MAP4K1: variants seen among roughly 807,000 people sequenced by gnomAD.
MAP4K1 encodes mitogen-activated protein kinase kinase kinase kinase 1, also known as MAPK/ERK kinase kinase kinase 1.
MAP4K1 carries 35 observed loss-of-function variants against 122.8 expected under a neutral mutation model. The ratio of observed to expected loss-of-function variants is 0.29; its 90% CI spans 0.22 to 0.38. The LOEUF is 0.38. Ranked by LOEUF, MAP4K1 falls within the 10% of genes least tolerant of loss-of-function variation. The pLI is 1.00. For synonymous variants in MAP4K1, 412 were observed against 421.3 expected, an observed-to-expected ratio of 0.98 and a Z score of 0.27; for missense variants, 791 against 1,072.6, an observed-to-expected ratio of 0.74 and a Z score of 3.67.
chr19:38,590,397 A>ATG (rs1974687672), intron 30 of MAP4K1, among the ~76,000 whole-genome samples: 1 of 29,764 alleles, frequency 3.4e-5, no homozygotes, highest in Non-Finnish European at 5.9e-5. Flanking sequence ...AAAAAAAAAT[A>ATG]TATATATATA....
chr19:38,613,681 C>G (rs1043551170), intron 8 of MAP4K1, among the ~76,000 whole-genome samples, 199 bp downstream of exon 8: 1 of 151,562 alleles, frequency 6.6e-6, no homozygotes, highest in Admixed American at 6.6e-5. Flanking sequence ...ACACAAACAC[C>G]GAGAGCAATG....
Position 38,605,436 on chromosome 19 carries a change from G to A in MAP4K1, c.1419C>T (p.Pro473=), listed in dbSNP as rs1398659074. 5 of 1,601,560 alleles carry A rather than the reference G, an allele frequency of 3.1e-6. No homozygotes were observed. The highest frequency in any genetic ancestry group is 4.3e-6 in the Non-Finnish European group (5 of 1,175,252). Residue 473 remains proline, a synonymous_variant, in exon 19 of 31, where the codon CCC becomes CCT. Transcript: ENST00000396857. ...TTCTCTTCATCTTTTCCTTCTTGGG[G>A]GGCAGAAGTGGGGGCTTGTCAAGCT... The part of the protein sequence containing the change: ...SRELDKPPLL[P]PKKEKMKRKG...
At chr19:38,595,345 G>A in intron 29 of MAP4K1, 140 bp downstream of exon 29, 1 of 574,126 alleles carries the variant, frequency 1.7e-6, no homozygotes, top group Non-Finnish European at 3.1e-6. Context: ...CAAAGAAGGG[G>A]ATCTATCTGA....
At chr19:38,610,066 T>C (rs1175092183) in intron 11 of MAP4K1, 41 bp from the exon 12 acceptor site, 2 of 1,429,060 alleles carry the variant, frequency 1.4e-6, no homozygotes, top group South Asian at 2.3e-5. Flanking sequence ...AGGGATGGTG[T>C]GGACAGAGAG....
intron 4 of MAP4K1, among the ~76,000 whole-genome samples, chr19:38,615,826 T>C (rs1350497915): frequency 6.6e-6 from 1 of 151,632 alleles, no homozygotes; most frequent in Non-Finnish European, 1.5e-5. Flanking sequence ...CCCGGCTAAT[T>C]TTTTGTATTT....
Position 38,617,858 on chromosome 19 carries a change from G to C in MAP4K1, c.38C>G (p.Pro13Arg). 6.2e-7 allele frequency: 1 copy of C among 1,614,146 alleles called. No homozygotes were observed. Among genetic ancestry groups the C allele is most frequent in the Non-Finnish European group, 8.5e-7 (1 of 1,180,014 alleles). The change falls in exon 1 of 31, where the codon CCC becomes CGC. Residue 13 changes from proline (P) to arginine (R), a missense_variant. By Grantham distance (103) the Pro-to-Arg change is moderately radical. Coordinates refer to ENST00000396857, the MANE Select transcript of MAP4K1 (RefSeq NM_001042600.3). The surrounding 1 kb of genome is among the most constrained non-coding windows in gnomAD (Gnocchi z 4.1). ...VVDPDIFNRDPRDHYDLLQRL... is the reference protein window; with the variant it reads ...VVDPDIFNRDRRDHYDLLQRL... ...CTGTAGCAGGTCATAGTGGTCCCGG[G>C]GGTCTCTATTGAAAATGTCAGGGTC...
intron 6 of MAP4K1, 46 bp downstream of exon 6, chr19:38,614,199 C>A: frequency 6.2e-7 from 1 of 1,611,178 alleles, no homozygotes; most frequent in Non-Finnish European, 8.5e-7. Context: ...CCACTCCCAT[C>A]TCCTGGGCCC....
At position 38,605,660 on chromosome 19, in the gene MAP4K1, A is replaced by ACCCCCGGGCTCAGCTGCCCATCAT; in HGVS notation, c.1247_1270dup (p.Asp416_Gly423dup). ...GGGCCCACTGGCACACCGGACCAGC[A>ACCCCCGGGCTCAGCTGCCCATCAT]CCCCCGGGCTCAGCTGCCCATCATC... On this transcript the variant is annotated inframe_insertion, in exon 18 of 31. Coordinates refer to ENST00000396857, the MANE Select transcript of MAP4K1 (RefSeq NM_001042600.3). 3.1e-6 allele frequency: 5 copies of ACCCCCGGGCTCAGCTGCCCATCAT among 1,603,994 alleles called. No homozygotes were observed. The highest frequency in any genetic ancestry group is 4.2e-6 in the Non-Finnish European group (5 of 1,177,382).
chr19:38,617,718 C>T lies in MAP4K1; in HGVS notation c.99+79G>A. ...TCAAGGTCAAGAACTGGGACCCCCT[C>T]TTGCAGCCTCCTCCCTGCCGAGGGC... is the stretch of plus-strand genomic sequence containing the variant. On this transcript the variant is annotated intron_variant, in intron 1 of 30. Transcript: ENST00000396857. This position sits in a 1 kb window ranked among gnomAD's most constrained non-coding sequence, Gnocchi z 4.1. 1 of 1,604,806 alleles carries T rather than the reference C, an allele frequency of 6.2e-7. No individual in the cohort carries two copies. The highest frequency in any genetic ancestry group is 8.5e-7 in the Non-Finnish European group (1 of 1,171,576).
intron 19 of MAP4K1, among the ~76,000 whole-genome samples, chr19:38,602,833 C>A (rs574501354): frequency 1.8e-4 from 26 of 147,560 alleles, no homozygotes; most frequent in Admixed American, 1.7e-3. Flanking sequence ...TACATATATA[C>A]GCATATACAT....
intron 9 of MAP4K1, among the ~76,000 whole-genome samples, chr19:38,611,731 G>A (rs964679317): frequency 6.6e-6 from 1 of 152,170 alleles, no homozygotes; most frequent in African/African-American, 2.4e-5. Context: ...AGTGAACTAC[G>A]ATCGTGCCGC....
chr19:38,610,830 T>C (rs886753981), intron 11 of MAP4K1, among the ~76,000 whole-genome samples: 8 of 151,958 alleles, frequency 5.3e-5, no homozygotes, highest in African/African-American at 1.9e-4. Context: ...CTTGAGTCCT[T>C]TGGGAATTTG....
intron 22 of MAP4K1, among the ~76,000 whole-genome samples, chr19:38,598,896 C>T (rs1235255346): frequency 3.3e-5 from 5 of 149,562 alleles, no homozygotes; most frequent in African/African-American, 7.4e-5. Flanking sequence ...GCCTGTAATC[C>T]CAGCTACTTG....
intron 3 of MAP4K1, 126 bp from the exon 4 acceptor site, chr19:38,616,385 C>T: frequency 1.7e-6 from 1 of 603,114 alleles, no homozygotes; most frequent in Non-Finnish European, 2.8e-6. Context: ...TCTCATCACT[C>T]CACCTCTCCT....
Position 38,590,389 on chromosome 19 carries a change from AAAAAAATATATATATATATATAT to A in MAP4K1, c.2397-2595_2397-2573del, listed in dbSNP as rs1224243725. 6.5e-3 allele frequency among the ~76,000 whole-genome samples: 307 copies of A among 46,916 alleles called. 8 individuals are homozygous for A. The highest frequency in any genetic ancestry group is 0.048 in the Middle Eastern group (3 of 62). 30.8% of individuals were successfully genotyped at this position (46,916 alleles called of 152,430 possible). On this transcript the variant is annotated intron_variant, in intron 30 of 30. Transcript: ENST00000396857. ...CTTGGACCAGAAAAAAAAAAAAAAAAAAAAAATATATATATATATATATATATATATATATATATATATATATA... is the reference window on the plus strand; with the variant it reads ...CTTGGACCAGAAAAAAAAAAAAAAAAATATATATATATATATATATATATA...
chr19:38,595,960 T>G lies in MAP4K1; in HGVS notation c.2158A>C (p.Met720Leu). Reference sequence around the variant, plus strand: ...TCACCATCCATCAACACCATCACCATATCTTCCTCTACCTGGGTCACCTGC... The same window carrying G: ...TCACCATCCATCAACACCATCACCAGATCTTCCTCTACCTGGGTCACCTGC... ...PVQVTQVEEDMVMVLMDGSVK... is the reference protein window; with the variant it reads ...PVQVTQVEEDLVMVLMDGSVK... Residue 720 changes from methionine to leucine, a missense_variant, in exon 27 of 31, where the codon ATG becomes CTG. By Grantham distance (15) the Met-to-Leu change is conservative. Coordinates refer to ENST00000396857, the MANE Select transcript of MAP4K1 (RefSeq NM_001042600.3). The G allele has an allele frequency of 6.2e-7, 1 of 1,613,928 alleles. No individual in the cohort carries two copies. Among genetic ancestry groups the G allele is most frequent in the Non-Finnish European group, 8.5e-7 (1 of 1,179,954 alleles).
At chr19:38,608,824 A>C (rs998723577) in intron 13 of MAP4K1, among the ~76,000 whole-genome samples, 2 of 148,778 alleles carry the variant, frequency 1.3e-5, no homozygotes, top group African/African-American at 2.5e-5. Context: ...AAAAAAAAAA[A>C]AAAAACATTA....
intron 16 of MAP4K1, among the ~76,000 whole-genome samples, chr19:38,606,481 A>T (rs772953989): frequency 6.6e-6 from 1 of 152,140 alleles, no homozygotes; most frequent in Non-Finnish European, 1.5e-5. Flanking sequence ...GCATAGCAAG[A>T]CCTTGTCTCC....
chr19:38,617,046 G>C lies in MAP4K1; in HGVS notation c.248+308C>G, dbSNP rs1220222039. ...GTGGATCACAAGGTCAGGAGTTCAA[G>C]ACCAGCCTGGCCAAGATGGTGAAAC... is the stretch of plus-strand genomic sequence containing the variant. On this transcript the variant is annotated intron_variant, in intron 3 of 30. Coordinates refer to ENST00000396857, the MANE Select transcript of MAP4K1 (RefSeq NM_001042600.3). The surrounding 1 kb of genome is among the most constrained non-coding windows in gnomAD (Gnocchi z 4.1). 2.0e-5 allele frequency among the ~76,000 whole-genome samples: 3 copies of C among 152,020 alleles called. No homozygotes were observed. The highest frequency in any genetic ancestry group is 6.6e-5 in the Admixed American group (1 of 15,242).
Sources: allele counts gnomAD v4.1 joint callset (sites outside exome capture counted in the v4.1 genomes callset), GRCh38; gene constraint gnomAD v4.1.1; non-coding constraint Gnocchi (gnomAD v3.1); transcripts MANE v1.5; gene names NCBI Gene and HGNC (gene_info 2026-07-23, HGNC 2026-07-21).